TRAK2: variants seen among roughly 807,000 people sequenced by gnomAD.
TRAK2 encodes trafficking kinesin-binding protein 2.
Under a neutral mutation model 104.6 loss-of-function variants are expected in TRAK2, and 81 were observed. That is an observed-to-expected ratio of 0.77 (90% CI 0.65 to 0.93). The LOEUF (loss-of-function observed/expected upper bound fraction) is 0.93. Ranked by LOEUF, TRAK2 falls within the 40% of genes least tolerant of loss-of-function variation. The probability of loss-of-function intolerance (pLI) is 0.00; values close to 1 mark genes in which losing one functional copy is unlikely to be tolerated. For missense variants in TRAK2, 1,002 were observed against 1,089.0 expected, an observed-to-expected ratio of 0.92 and a Z score of 1.12; for synonymous variants, 406 against 394.4, an observed-to-expected ratio of 1.03 and a Z score of -0.35.
Position 201,389,519 on chromosome 2 carries a change from G to A in TRAK2, c.1194-16C>T. On this transcript the variant is annotated splice_polypyrimidine_tract_variant and intron_variant, in intron 11 of 15. Coordinates refer to ENST00000332624, the MANE Select transcript of TRAK2 (RefSeq NM_015049.3). ...CTGTTGGGCTCTGTCAAAAAAGGAA[G>A]TGTTCGTTATTATCACTGCTAGCCA... is the stretch of plus-strand genomic sequence containing the variant. The A allele has an allele frequency of 1.2e-6, 2 of 1,612,318 alleles. No homozygotes were observed. The highest frequency in any genetic ancestry group is 1.7e-6 in the Non-Finnish European group (2 of 1,179,264).
chr2:201,425,952 T>G (rs73049553), intron 1 of TRAK2, among the ~76,000 whole-genome samples: 1,822 of 152,304 alleles, frequency 0.012, 47 homozygotes, highest in African/African-American at 0.042. Flanking sequence ...ACTAGCTGAT[T>G]TGATTATACA....
At chr2:201,388,212 C>T in intron 12 of TRAK2, 4 of 565,914 alleles carry the variant, frequency 7.1e-6, no homozygotes, top group Non-Finnish European at 1.3e-5. Flanking sequence ...ACTTGAAAGG[C>T]AAGATAATAC....
intron 15 of TRAK2, among the ~76,000 whole-genome samples, chr2:201,381,466 G>A (rs1951345029): frequency 6.6e-6 from 1 of 152,040 alleles, no homozygotes; most frequent in Non-Finnish European, 1.5e-5. Flanking sequence ...TTTTCAGTGG[G>A]ATATGAAAGG....
chr2:201,384,208 C>T lies in TRAK2; in HGVS notation c.1972G>A (p.Ala658Thr), dbSNP rs866836205. ...SAGGPVTVAT[A>T]NPGKCLSCTN... ...CACGACAGGCACTTTCCTGGGTTGG[C>T]GGTTGCAACTGAAATAGATTTTTAG... is the stretch of plus-strand genomic sequence containing the variant. Residue 658 changes from alanine (A) to threonine (T), a missense_variant, in exon 15 of 16, where the codon GCC (alanine) becomes ACC (threonine). Physicochemically the swap from Ala to Thr is moderately conservative, Grantham distance 58 (BLOSUM62 0). Transcript: ENST00000332624. 10 of 1,611,250 alleles carry T rather than the reference C, an allele frequency of 6.2e-6. No homozygotes were observed. The highest frequency in any genetic ancestry group is 5.4e-5 in the African/African-American group (4 of 74,756).
chr2:201,432,131 T>A (rs1433781398), intron 1 of TRAK2, among the ~76,000 whole-genome samples: 4 of 152,226 alleles, frequency 2.6e-5, no homozygotes, highest in African/African-American at 9.6e-5. Flanking sequence ...CGGCCTACTC[T>A]CAATTGCTTG....
chr2:201,444,848 T>C (rs1292900280), intron 1 of TRAK2, among the ~76,000 whole-genome samples: 3 of 151,938 alleles, frequency 2.0e-5, no homozygotes, highest in Non-Finnish European at 4.4e-5. Flanking sequence ...ATAATTGGTG[T>C]TGAAATGAAC....
chr2:201,428,083 C>G (rs537558385), intron 1 of TRAK2, among the ~76,000 whole-genome samples: 2 of 150,206 alleles, frequency 1.3e-5, no homozygotes, highest in Non-Finnish European at 2.9e-5. Context: ...TTGTCAGATG[C>G]GTAGATTGCA....
Position 201,384,227 on chromosome 2 carries a change from T to G in TRAK2, c.1964-11A>C. On this transcript the variant is annotated splice_polypyrimidine_tract_variant and intron_variant, in intron 14 of 15. Coordinates refer to ENST00000332624, the MANE Select transcript of TRAK2 (RefSeq NM_015049.3). ...GGTTGGCGGTTGCAACTGAAATAGA[T>G]TTTTAGGGAGCAAATACAAGATTGA... 6.2e-7 allele frequency: 1 copy of G among 1,600,132 alleles called. No homozygotes were observed. The highest frequency in any genetic ancestry group is 8.6e-7 in the Non-Finnish European group (1 of 1,169,066).
At chr2:201,388,192 A>G (rs1229155986) in intron 12 of TRAK2, 191 bp from the exon 13 acceptor site, 1 of 631,062 alleles carries the variant, frequency 1.6e-6, no homozygotes, top group East Asian at 2.9e-5. Context: ...TTTACAGATC[A>G]TTGCAAATGA....
intron 3 of TRAK2, 93 bp from the exon 4 acceptor site, chr2:201,401,187 C>T: frequency 1.3e-6 from 1 of 756,976 alleles, no homozygotes; most frequent in Non-Finnish European, 2.0e-6. Flanking sequence ...CAACAAAAAC[C>T]CCAGCCTTTT....
chr2:201,449,648 C>A (rs1208112278), intron 1 of TRAK2, among the ~76,000 whole-genome samples: 2 of 148,708 alleles, frequency 1.3e-5, no homozygotes, highest in Non-Finnish European at 3.0e-5. Context: ...CCATGCCTGG[C>A]TAATTTTTTT....
chr2:201,438,706 C>A (rs1951897352), intron 1 of TRAK2, among the ~76,000 whole-genome samples: 1 of 152,222 alleles, frequency 6.6e-6, no homozygotes, highest in African/African-American at 2.4e-5. Context: ...ATAGTGGTTA[C>A]TGAATATAGA....
intron 4 of TRAK2, 52 bp from the exon 5 acceptor site, chr2:201,399,545 G>T (rs1559442571): frequency 1.4e-6 from 2 of 1,388,794 alleles, no homozygotes; most frequent in Admixed American, 1.8e-5. Flanking sequence ...AGGTTAAATG[G>T]CAGTTCAGAA....
intron 1 of TRAK2, among the ~76,000 whole-genome samples, chr2:201,441,102 A>G (rs1363572196): frequency 6.6e-6 from 1 of 152,234 alleles, no homozygotes; most frequent in Non-Finnish European, 1.5e-5. Context: ...TACATTTTCA[A>G]TACAACATCA....
chr2:201,394,039 T>A (rs1049742644), intron 9 of TRAK2, among the ~76,000 whole-genome samples: 1 of 151,846 alleles, frequency 6.6e-6, no homozygotes, highest in Non-Finnish European at 1.5e-5. Context: ...CATGAGCTAC[T>A]GTGCTTGGCT....
chr2:201,403,557 A>G (rs1951567204), intron 3 of TRAK2, among the ~76,000 whole-genome samples: 1 of 152,202 alleles, frequency 6.6e-6, no homozygotes, highest in Non-Finnish European at 1.5e-5. Context: ...TTATATAATA[A>G]AACAGCATAG....
intron 3 of TRAK2, among the ~76,000 whole-genome samples, chr2:201,401,894 T>C (rs1257295557): frequency 1.3e-5 from 2 of 152,206 alleles, no homozygotes; most frequent in East Asian, 3.9e-4. Context: ...ACTTTGAACA[T>C]GATACGTTAC....
rs1951325346 is a variant in TRAK2, at chr2:201,380,128, A to G, written c.*415T>C. On this transcript the variant is annotated 3_prime_UTR_variant, in exon 16 of 16. Coordinates refer to ENST00000332624, the MANE Select transcript of TRAK2 (RefSeq NM_015049.3). ...CAACCCCTCAGAACGGCTTTCTATA[A>G]GCAATAAAACTGCTCCTTTTCTCTT... is the stretch of plus-strand genomic sequence containing the variant. The G allele has an allele frequency of 9.7e-6, 2 of 205,352 alleles. No homozygotes were observed. Among genetic ancestry groups the G allele is most frequent in the African/African-American group, 2.3e-5 (1 of 43,164 alleles). The allele number at this position is 205,352 out of a possible 1,614,324, so 12.7% of individuals were successfully genotyped here.
At chr2:201,383,202 C>T (rs1005533761) in intron 15 of TRAK2, among the ~76,000 whole-genome samples, 1 of 152,138 alleles carries the variant, frequency 6.6e-6, no homozygotes, top group African/African-American at 2.4e-5. Context: ...TTGGCCTTGC[C>T]CAGAGAGGTC....
Sources: allele counts gnomAD v4.1 joint callset (sites outside exome capture counted in the v4.1 genomes callset), GRCh38; gene constraint gnomAD v4.1.1; transcripts MANE v1.5; gene names NCBI Gene and HGNC (gene_info 2026-07-23, HGNC 2026-07-21).